The following NRG1 variants were observed in gnomAD, a reference collection of about 807,000 sequenced individuals.
NRG1 encodes the protein pro-neuregulin-1, membrane-bound isoform.
Under a neutral mutation model 63.8 loss-of-function variants are expected in NRG1, and 18 were observed. The ratio of observed to expected loss-of-function variants is 0.28; its 90% confidence interval spans 0.19 to 0.42. NRG1 has a LOEUF of 0.42. Ranked by LOEUF, NRG1 falls within the 10% of genes least tolerant of loss-of-function variation. NRG1 has a pLI of 1.00. For missense variants in NRG1, 762 were observed against 814.7 expected, an observed-to-expected ratio of 0.94 and a Z score of 0.79; for synonymous variants, 302 against 301.3, an observed-to-expected ratio of 1.00 and a Z score of -0.02.
At chr8:32,069,968 A>G (rs1215840137) in intron 1 of NRG1, among the ~76,000 whole-genome samples, 1 of 152,154 alleles carries the variant, frequency 6.6e-6, no homozygotes, top group Non-Finnish European at 1.5e-5. Flanking sequence ...CATCCTCGGT[A>G]GAGAGTCCTT....
chr8:31,721,513 G>T (rs868602026), intron 1 of NRG1, among the ~76,000 whole-genome samples: 1 of 152,054 alleles, frequency 6.6e-6, no homozygotes, highest in Non-Finnish European at 1.5e-5. Flanking sequence ...ATGTTTTCAC[G>T]TTTGAGAGCA....
intron 1 of NRG1, among the ~76,000 whole-genome samples, chr8:31,813,164 G>A (rs1342498868): frequency 6.6e-6 from 1 of 152,102 alleles, no homozygotes; most frequent in African/African-American, 2.4e-5. Context: ...TATACCTTTT[G>A]CATATAAGAA....
intron 5 of NRG1, chr8:32,647,661 G>A: frequency 2.7e-6 from 4 of 1,500,176 alleles, no homozygotes; most frequent in Non-Finnish European, 3.5e-6. Flanking sequence ...GGTTGGGGGG[G>A]CCTCTGCGTG....
At chr8:31,898,388 C>A (rs1419577399) in intron 1 of NRG1, among the ~76,000 whole-genome samples, 2 of 152,152 alleles carry the variant, frequency 1.3e-5, no homozygotes, top group African/African-American at 4.8e-5. Flanking sequence ...ATTCCCATGA[C>A]ATAACTATAG....
intron 1 of NRG1, among the ~76,000 whole-genome samples, chr8:31,831,799 G>A (rs1366181468): frequency 6.6e-6 from 1 of 152,024 alleles, no homozygotes; most frequent in East Asian, 1.9e-4. Flanking sequence ...ATGCCATTTT[G>A]AGATTTGTAT....
chr8:32,763,957 A>T (rs1415551578), exon 12 of NRG1: 2 of 1,613,926 alleles, frequency 1.2e-6, no homozygotes, highest in Middle Eastern at 3.3e-4. Context: ...AAGTTTGACC[A>T]TCACCCTCAG....
chr8:32,475,214 C>T (rs80290394), intron 1 of NRG1, among the ~76,000 whole-genome samples: 8,001 of 152,028 alleles, frequency 0.053, 283 homozygotes, highest in Middle Eastern at 0.085. Context: ...CGCCTGTAAT[C>T]CTAGAACTTT....
chr8:32,400,497 C>T (rs1305420840), intron 1 of NRG1, among the ~76,000 whole-genome samples: 2 of 152,174 alleles, frequency 1.3e-5, no homozygotes, highest in Non-Finnish European at 2.9e-5. Flanking sequence ...CACGAACAGA[C>T]ACTTTTCAAG....
At chr8:32,420,364 G>A (rs1388626602) in intron 1 of NRG1, among the ~76,000 whole-genome samples, 1 of 152,112 alleles carries the variant, frequency 6.6e-6, no homozygotes, top group Non-Finnish European at 1.5e-5. Flanking sequence ...TCCTCTTTGA[G>A]ATCCAGCAAA....
chr8:32,091,006 G>A (rs374664488), intron 1 of NRG1, among the ~76,000 whole-genome samples: 16 of 152,160 alleles, frequency 1.1e-4, no homozygotes, highest in East Asian at 5.8e-4. Flanking sequence ...TGGGCCGGGC[G>A]CGGTGGCTCA....
intron 1 of NRG1, among the ~76,000 whole-genome samples, chr8:32,090,567 G>T (rs756751464): frequency 6.6e-6 from 1 of 151,972 alleles, no homozygotes; most frequent in African/African-American, 2.4e-5. Flanking sequence ...GTGTTCTGCC[G>T]GCCTCAGCCT....
chr8:32,048,434 CAT>C lies in NRG1; in HGVS notation c.37+409009_37+409010del, dbSNP rs1177099377. ...GAATATATGTACATGCATATGTACA[CAT>C]ATATACATACATATATATATATATA... On this transcript the variant is annotated intron_variant, in intron 1 of 10. Coordinates refer to the NRG1 transcript ENST00000519301. Among the ~76,000 whole-genome samples the C allele has an allele frequency of 3.5e-3, 253 of 73,100 alleles. 2 individuals are homozygous for C. Among genetic ancestry groups the C allele is most frequent in the Non-Finnish European group, 5.5e-3 (219 of 39,900 alleles). The allele number at this position is 73,100 out of a possible 152,430, so 48.0% of individuals were successfully genotyped here. A position where few individuals can be genotyped will look rare whatever the true frequency, so the allele number is the denominator to read the frequency against.
In NRG1 at chr8:32,261,108, G is replaced by A. The variant is rs995357792; in HGVS notation, c.38-334720G>A. On this transcript the variant is annotated intron_variant, in intron 1 of 10. Transcript: ENST00000519301. ...AAGAAAGTTGCAAAGATAGTACAGA[G>A]AGTTCCTGTATACCTGTCTTCTAGC... Among the ~76,000 whole-genome samples, 4 of 152,192 alleles carry A rather than the reference G, an allele frequency of 2.6e-5. 1 individual carries two copies. The highest frequency in any genetic ancestry group is 5.9e-5 in the Non-Finnish European group (4 of 68,034).
At chr8:32,563,155 A>G (rs1271878791) in intron 1 of NRG1, among the ~76,000 whole-genome samples, 1 of 152,176 alleles carries the variant, frequency 6.6e-6, no homozygotes, top group East Asian at 1.9e-4. Context: ...ATCAGCTGTC[A>G]TTAGTGTTAG....
chr8:32,394,409 T>C (rs1420586143), intron 1 of NRG1, among the ~76,000 whole-genome samples: 2 of 152,212 alleles, frequency 1.3e-5, no homozygotes, highest in Admixed American at 1.3e-4. Flanking sequence ...TTTATCTACG[T>C]CTTCTCTGTC....
intron 1 of NRG1, among the ~76,000 whole-genome samples, chr8:32,592,276 C>T (rs1185147854): frequency 6.6e-6 from 1 of 152,036 alleles, no homozygotes; most frequent in Admixed American, 6.6e-5. Flanking sequence ...ACGCAGTGCT[C>T]CTGCTTGAGA....
chr8:31,741,928 AC>A (rs1247940742), intron 1 of NRG1, among the ~76,000 whole-genome samples: 2 of 152,034 alleles, frequency 1.3e-5, no homozygotes, highest in Non-Finnish European at 2.9e-5. Context: ...ACTGAAAAAA[AC>A]TGCAACTATC....
Position 32,362,011 on chromosome 8 carries a change from AC to A in NRG1, c.38-233816del, listed in dbSNP as rs1807279952. On this transcript the variant is annotated intron_variant, in intron 1 of 10. Coordinates refer to the NRG1 transcript ENST00000519301. ...CTCTCCAGAGATGATCTCAAGTGTC[AC>A]TTTTGTGGGGATAACTACCCCAGTG... 2.0e-5 allele frequency among the ~76,000 whole-genome samples: 3 copies of A among 152,086 alleles called. No individual in the cohort carries two copies. The South Asian group carries it at 6.2e-4, about 32-fold the overall frequency.
intron 1 of NRG1, among the ~76,000 whole-genome samples, chr8:32,359,705 T>A (rs1806962579): frequency 6.6e-6 from 1 of 152,198 alleles, no homozygotes; most frequent in South Asian, 2.1e-4. Context: ...GCCCTGAACA[T>A]TTTCGGAATC....
Sources: gnomAD v4.1 joint callset for allele counts (sites outside exome capture counted in the v4.1 genomes callset) on GRCh38, gnomAD v4.1.1 for gene constraint, MANE v1.5 for transcripts, NCBI Gene and HGNC (gene_info 2026-07-23, HGNC 2026-07-21) for gene names.